The following KSR2 variants were observed in gnomAD, a reference collection of about 807,000 sequenced individuals.
The protein encoded by KSR2 is kinase suppressor of ras 2.
A neutral mutation model predicts 107.8 loss-of-function variants in KSR2; 25 were observed. The ratio of observed to expected loss-of-function variants is 0.23; its 90% CI spans 0.17 to 0.32. KSR2 has a LOEUF of 0.32. KSR2 is among the 10% of genes least tolerant of loss of function. The pLI is 1.00. For missense variants in KSR2, 887 were observed against 1,268.9 expected (o/e 0.70, Z 4.57); for synonymous variants, 480 against 507.0 (o/e 0.95, Z 0.71).
chr12:117,735,284 A>G (rs1887897158), intron 4 of KSR2, among the ~76,000 whole-genome samples: 1 of 152,196 alleles, frequency 6.6e-6, no homozygotes, highest in African/African-American at 2.4e-5. Context: ...GTTTTCCAGA[A>G]ATGACACCAC....
At chr12:117,654,664 C>T (rs1466558320) in intron 5 of KSR2, among the ~76,000 whole-genome samples, 1 of 152,136 alleles carries the variant, frequency 6.6e-6, no homozygotes, top group Non-Finnish European at 1.5e-5. Context: ...TGGTCAGGGA[C>T]TTGGAAGAAG....
chr12:117,700,344 A>G (rs1309573992), intron 4 of KSR2, among the ~76,000 whole-genome samples: 2 of 152,200 alleles, frequency 1.3e-5, no homozygotes, highest in Admixed American at 1.3e-4. Context: ...TGGAGCCCAC[A>G]GACTCAACCA....
chr12:117,652,926 T>C (rs1250512615), intron 5 of KSR2, among the ~76,000 whole-genome samples: 1 of 152,196 alleles, frequency 6.6e-6, no homozygotes, highest in Non-Finnish European at 1.5e-5. Context: ...ATACTCAGCA[T>C]CTGGCAGAAC....
intron 5 of KSR2, among the ~76,000 whole-genome samples, chr12:117,588,409 A>G (rs1880132549): frequency 6.6e-6 from 1 of 152,206 alleles, no homozygotes; most frequent in African/African-American, 2.4e-5. Flanking sequence ...TTTATCTGCT[A>G]TGGGGACAAA....
chr12:117,575,525 T>C (rs1858102413), intron 7 of KSR2, among the ~76,000 whole-genome samples: 1 of 152,354 alleles, frequency 6.6e-6, no homozygotes, highest in South Asian at 2.1e-4. Context: ...TGCCAATCTT[T>C]GAAAACACAT....
chr12:117,801,615 G>A (rs1417743187), intron 3 of KSR2, among the ~76,000 whole-genome samples: 1 of 152,010 alleles, frequency 6.6e-6, no homozygotes, highest in Admixed American at 6.6e-5. Context: ...GTGGGGAGGA[G>A]GTCCCACGCA....
intron 1 of KSR2, among the ~76,000 whole-genome samples, chr12:117,926,185 G>T (rs1895513335): frequency 6.6e-6 from 1 of 152,180 alleles, no homozygotes; most frequent in Non-Finnish European, 1.5e-5. Context: ...GTGATAGAGT[G>T]AGACTCCGTC....
At chr12:117,634,604 C>T (rs570273739) in intron 5 of KSR2, among the ~76,000 whole-genome samples, 68 of 152,228 alleles carry the variant, frequency 4.5e-4, no homozygotes, top group Non-Finnish European at 7.4e-4. Flanking sequence ...ATTGCCCTCT[C>T]GGGTGACACT....
At chr12:117,748,994 G>A (rs902853297) in intron 4 of KSR2, among the ~76,000 whole-genome samples, 3 of 151,466 alleles carry the variant, frequency 2.0e-5, no homozygotes, top group Admixed American at 2.0e-4. Context: ...AGCAGAATGG[G>A]CCCTCTGAGG....
At chr12:117,500,443 C>G (rs1873311125) in intron 14 of KSR2, among the ~76,000 whole-genome samples, 1 of 152,196 alleles carries the variant, frequency 6.6e-6, no homozygotes, top group African/African-American at 2.4e-5. Context: ...GTAATCCTAA[C>G]CTAACCCCAT....
chr12:117,531,374 C>A (rs1875621331), intron 11 of KSR2, among the ~76,000 whole-genome samples: 1 of 152,164 alleles, frequency 6.6e-6, no homozygotes, highest in Admixed American at 6.5e-5. Context: ...GACCCTATGA[C>A]CATCTCTTTC....
intron 1 of KSR2, among the ~76,000 whole-genome samples, chr12:117,900,091 C>G (rs1306491391): frequency 6.6e-6 from 1 of 152,192 alleles, no homozygotes; most frequent in Non-Finnish European, 1.5e-5. Context: ...CCCAACTCTG[C>G]CATGCCTGGA....
At chr12:117,871,830 A>ATT (rs34011597) in intron 1 of KSR2, among the ~76,000 whole-genome samples, 5 of 151,706 alleles carry the variant, frequency 3.3e-5, no homozygotes, top group East Asian at 1.9e-4. Context: ...TAAGATATGG[A>ATT]TTTTTTTTAA....
intron 1 of KSR2, among the ~76,000 whole-genome samples, chr12:117,863,113 T>C (rs1365256211): frequency 6.6e-6 from 1 of 152,140 alleles, no homozygotes; most frequent in Non-Finnish European, 1.5e-5. Flanking sequence ...ATCCGGCTGA[T>C]GTGAGGCTGT....
intron 4 of KSR2, among the ~76,000 whole-genome samples, chr12:117,686,244 T>A (rs1012990385): frequency 8.7e-6 from 1 of 114,414 alleles, no homozygotes; most frequent in African/African-American, 2.9e-5. Context: ...TTTTTTTTTT[T>A]TAGCAGAGAT....
chr12:117,946,412 C>G (rs1206724796), intron 1 of KSR2, among the ~76,000 whole-genome samples: 1 of 152,108 alleles, frequency 6.6e-6, no homozygotes, highest in African/African-American at 2.4e-5. Context: ...TCACCATAGA[C>G]CCCGTGACGT....
At chr12:117,525,774 G>T (rs1261131725) in intron 13 of KSR2, among the ~76,000 whole-genome samples, 1 of 152,198 alleles carries the variant, frequency 6.6e-6, no homozygotes, top group East Asian at 1.9e-4. Flanking sequence ...AGTATCTTTT[G>T]CTTCCCCCAG....
intron 14 of KSR2, among the ~76,000 whole-genome samples, chr12:117,499,057 A>C (rs1264392838): frequency 6.6e-6 from 1 of 152,242 alleles, no homozygotes; most frequent in Non-Finnish European, 1.5e-5. Flanking sequence ...CTCTTCCATG[A>C]GCAAGGTACC....
chr12:117,562,665 T>G (rs1878202593), intron 7 of KSR2, among the ~76,000 whole-genome samples: 1 of 152,192 alleles, frequency 6.6e-6, no homozygotes. Context: ...AGGCTGCTCA[T>G]GACCTTGGCC....
Sources: gnomAD v4.1 joint callset for allele counts (sites outside exome capture counted in the v4.1 genomes callset) on GRCh38, gnomAD v4.1.1 for gene constraint, MANE v1.5 for transcripts, NCBI Gene and HGNC (gene_info 2026-07-23, HGNC 2026-07-21) for gene names.